Variants in SPHKAP observed in about 807,000 individuals in gnomAD.
The protein encoded by SPHKAP is A-kinase anchor protein SPHKAP.
A neutral mutation model predicts 137.5 loss-of-function variants in SPHKAP; 67 were observed. The ratio of observed to expected loss-of-function variants is 0.49; its 90% CI spans 0.40 to 0.60. SPHKAP has a LOEUF of 0.60. SPHKAP is among the 20% of genes least tolerant of loss of function. SPHKAP has a pLI of 0.00. For missense variants in SPHKAP, 2,097 were observed against 2,069.3 expected, an observed-to-expected ratio of 1.01 and a Z score of -0.26; for synonymous variants, 813 against 785.3, an observed-to-expected ratio of 1.04 and a Z score of -0.59.
intron 7 of SPHKAP, among the ~76,000 whole-genome samples, chr2:228,013,259 T>C (rs1228915461): frequency 6.6e-6 from 1 of 152,218 alleles, no homozygotes; most frequent in Non-Finnish European, 1.5e-5. Context: ...ATATTCCTTT[T>C]TCTTTTTTTT....
chr2:228,025,581 A>G, intron 4 of SPHKAP, 53 bp from the exon 5 acceptor site: 3 of 1,595,250 alleles, frequency 1.9e-6, no homozygotes, highest in Non-Finnish European at 2.6e-6. Flanking sequence ...ACCAAATACT[A>G]CTCACAAACT....
intron 11 of SPHKAP, among the ~76,000 whole-genome samples, chr2:227,989,778 GTT>G (rs33974192): frequency 0.43 from 60,053 of 140,768 alleles, 12,546 homozygotes; most frequent in East Asian, 0.59. Context: ...GCTAATTTTT[GTT>G]TTTTTTTTTT....
At chr2:228,026,793 C>G (rs1166905466) in intron 4 of SPHKAP, among the ~76,000 whole-genome samples, 1 of 152,124 alleles carries the variant, frequency 6.6e-6, no homozygotes, top group East Asian at 1.9e-4. Context: ...GCAGCATTGT[C>G]AATATGGGAA....
At chr2:228,129,242 A>G (rs1699172938) in intron 2 of SPHKAP, among the ~76,000 whole-genome samples, 1 of 152,240 alleles carries the variant, frequency 6.6e-6, no homozygotes, top group Admixed American at 6.5e-5. Flanking sequence ...CTAAGTGAGC[A>G]CGTTCTGTTG....
intron 2 of SPHKAP, among the ~76,000 whole-genome samples, chr2:228,111,492 G>A (rs1698514937): frequency 6.6e-6 from 1 of 152,120 alleles, no homozygotes; most frequent in African/African-American, 2.4e-5. Flanking sequence ...TGACAGGACT[G>A]AAAATATTTC....
chr2:228,172,926 A>T, intron 1 of SPHKAP: 1 of 528,800 alleles, frequency 1.9e-6, no homozygotes, highest in Non-Finnish European at 2.4e-6. Flanking sequence ...TTATGTCACT[A>T]TGTCTTATAT....
chr2:228,014,611 T>C (rs1030793183), intron 7 of SPHKAP, among the ~76,000 whole-genome samples: 1 of 152,240 alleles, frequency 6.6e-6, no homozygotes, highest in African/African-American at 2.4e-5. Flanking sequence ...AAAAGAAATA[T>C]TTAAATCCAC....
intron 3 of SPHKAP, among the ~76,000 whole-genome samples, chr2:228,081,721 G>A (rs1175675258): frequency 6.6e-6 from 1 of 152,168 alleles, no homozygotes; most frequent in Admixed American, 6.5e-5. Context: ...TAATTTTGCT[G>A]ATGTGTAGAG....
intron 7 of SPHKAP, among the ~76,000 whole-genome samples, chr2:228,007,415 T>C (rs1023749202): frequency 2.0e-5 from 3 of 152,146 alleles, no homozygotes; most frequent in African/African-American, 7.2e-5. Flanking sequence ...CACCAGAACA[T>C]GTTCTGTCTA....
intron 1 of SPHKAP, among the ~76,000 whole-genome samples, chr2:228,173,727 C>T (rs1468360738): frequency 6.6e-6 from 1 of 152,136 alleles, no homozygotes; most frequent in East Asian, 1.9e-4. Flanking sequence ...AGACTTCTGA[C>T]CTACAGAACT....
At chr2:228,113,893 G>A (rs1055987897) in intron 2 of SPHKAP, among the ~76,000 whole-genome samples, 2 of 152,020 alleles carry the variant, frequency 1.3e-5, no homozygotes, top group African/African-American at 4.8e-5. Context: ...GAATAAAAAT[G>A]CAGACTTCAG....
intron 3 of SPHKAP, among the ~76,000 whole-genome samples, chr2:228,075,236 A>G (rs985983425): frequency 6.6e-6 from 1 of 152,224 alleles, no homozygotes; most frequent in African/African-American, 2.4e-5. Flanking sequence ...CAAATGTAGT[A>G]ACATTTTAGC....
intron 1 of SPHKAP, among the ~76,000 whole-genome samples, chr2:228,136,800 A>G (rs1313839387): frequency 6.6e-6 from 1 of 152,234 alleles, no homozygotes; most frequent in Non-Finnish European, 1.5e-5. Context: ...TCTGATACTG[A>G]GAAAAATAGA....
chr2:228,112,721 A>G (rs527550251), intron 2 of SPHKAP, among the ~76,000 whole-genome samples: 1 of 152,240 alleles, frequency 6.6e-6, no homozygotes, highest in African/African-American at 2.4e-5. Context: ...ACCTGCACTT[A>G]ACTTCTCTAA....
rs993994857 is a variant in SPHKAP at position 227,980,466 on chromosome 2, T to C, written c.*1251A>G. The C allele has an allele frequency of 2.6e-5, 4 of 152,210 alleles. No homozygotes were observed. The highest frequency in any genetic ancestry group is 7.2e-5 in the African/African-American group (3 of 41,444). 9.4% of individuals were successfully genotyped at this position (152,210 alleles called of 1,614,324 possible). A position where few individuals can be genotyped will look rare whatever the true frequency, so the allele number is the denominator to read the frequency against. ...CCAGAAGTCCTTAATAAACACCTCT[T>C]TGATCAAGAAAATAAAAGTCCGTGT... On this transcript the variant is annotated 3_prime_UTR_variant, in exon 12 of 12. Transcript: ENST00000392056.
intron 11 of SPHKAP, among the ~76,000 whole-genome samples, chr2:227,982,749 G>A (rs777641671): frequency 7.9e-5 from 12 of 152,164 alleles, no homozygotes; most frequent in Non-Finnish European, 1.6e-4. Flanking sequence ...ATGAAAAATT[G>A]TCAGTAGGAT....
chr2:228,104,923 A>T (rs1258124504), intron 3 of SPHKAP, among the ~76,000 whole-genome samples: 1 of 152,230 alleles, frequency 6.6e-6, no homozygotes, highest in Non-Finnish European at 1.5e-5. Context: ...AACATAAAAA[A>T]ACAGTGGAAG....
At chr2:228,177,112 G>T (rs1318994539) in intron 1 of SPHKAP, among the ~76,000 whole-genome samples, 1 of 151,802 alleles carries the variant, frequency 6.6e-6, no homozygotes, top group African/African-American at 2.4e-5. Flanking sequence ...CATGGAGTAA[G>T]GACCCATTTA....
At chr2:228,044,639 G>T (rs1435137599) in intron 3 of SPHKAP, among the ~76,000 whole-genome samples, 1 of 152,088 alleles carries the variant, frequency 6.6e-6, no homozygotes, top group African/African-American at 2.4e-5. Context: ...GCAAACTATA[G>T]TTGACACATA....
Sources: gnomAD v4.1 joint callset for allele counts (sites outside exome capture counted in the v4.1 genomes callset) on GRCh38, gnomAD v4.1.1 for gene constraint, MANE v1.5 for transcripts, NCBI Gene and HGNC (gene_info 2026-07-23, HGNC 2026-07-21) for gene names.